Variants in SCHIP1 observed in about 807,000 individuals in gnomAD.
SCHIP1 encodes the protein schwannomin-interacting protein 1.
SCHIP1 carries 8 observed loss-of-function variants against 29.7 expected under a neutral mutation model. The ratio of observed to expected loss-of-function variants is 0.27; its 90% confidence interval spans 0.16 to 0.49. The LOEUF (loss-of-function observed/expected upper bound fraction) is 0.49. Ranked by LOEUF, SCHIP1 falls within the 20% of genes least tolerant of loss-of-function variation. The pLI is 0.99. For missense variants in SCHIP1, 193 were observed against 294.6 expected (o/e 0.66, Z 2.52); for synonymous variants, 76 against 94.9 (o/e 0.80, Z 1.16).
chr3:159,604,952 T>C, the SCHIP1 span, among the ~76,000 whole-genome samples: 1 of 152,192 alleles, frequency 6.6e-6, no homozygotes, highest in Non-Finnish European at 1.5e-5. Context: ...CAGCTACTAA[T>C]TGACCCAGGA....
the SCHIP1 span, among the ~76,000 whole-genome samples, chr3:159,696,665 T>C: frequency 1.3e-5 from 2 of 152,144 alleles, no homozygotes; most frequent in Non-Finnish European, 2.9e-5. Context: ...AGAAAGACAA[T>C]TGAGAAGTAA....
chr3:159,850,717 C>T (rs1211378157), intron 1 of SCHIP1, among the ~76,000 whole-genome samples: 1 of 151,936 alleles, frequency 6.6e-6, no homozygotes, highest in Non-Finnish European at 1.5e-5. Flanking sequence ...CTTCACGTGG[C>T]CAGAGCAGGA....
the SCHIP1 span, among the ~76,000 whole-genome samples, chr3:159,490,243 A>G: frequency 2.2e-4 from 33 of 152,300 alleles, no homozygotes; most frequent in African/African-American, 7.5e-4. Context: ...GTAACATTTC[A>G]TGTCCTCTCT....
chr3:159,732,409 G>A, the SCHIP1 span, among the ~76,000 whole-genome samples: 2 of 152,352 alleles, frequency 1.3e-5, 1 homozygote, highest in East Asian at 3.9e-4. Context: ...CCTTGCTGCT[G>A]TGCAGGTGAG....
the SCHIP1 span, chr3:159,764,914 C>T: frequency 6.6e-6 from 10 of 1,525,574 alleles, no homozygotes; most frequent in East Asian, 1.3e-4. The surrounding 1 kb of genome is among the most constrained non-coding windows in gnomAD (Gnocchi z 6.1). Context: ...CCGGGGCCCC[C>T]GCCGGGCGAT....
chr3:159,437,090 T>C, the SCHIP1 span, among the ~76,000 whole-genome samples: 5 of 152,150 alleles, frequency 3.3e-5, no homozygotes, highest in Non-Finnish European at 5.9e-5. Flanking sequence ...TAATTTATGA[T>C]ACTCTCCATT....
the SCHIP1 span, among the ~76,000 whole-genome samples, chr3:159,627,824 T>C: frequency 6.6e-6 from 1 of 152,218 alleles, no homozygotes; most frequent in Admixed American, 6.5e-5. Context: ...GTCAATATTG[T>C]GTGCTTTGCA....
chr3:159,513,844 T>C, the SCHIP1 span, among the ~76,000 whole-genome samples: 3 of 152,160 alleles, frequency 2.0e-5, no homozygotes, highest in East Asian at 5.8e-4. Flanking sequence ...CCTCCCTCTT[T>C]TCACATTTCA....
the SCHIP1 span, among the ~76,000 whole-genome samples, chr3:159,599,870 G>A: frequency 1.3e-5 from 2 of 152,162 alleles, no homozygotes; most frequent in East Asian, 3.9e-4. Flanking sequence ...CACTTCCAGT[G>A]TAGGACTCCT....
chr3:159,449,398 T>G, the SCHIP1 span, among the ~76,000 whole-genome samples: 1 of 152,188 alleles, frequency 6.6e-6, no homozygotes, highest in African/African-American at 2.4e-5. Context: ...CCTCCTTTTT[T>G]ATTAAAGCAC....
upstream of SCHIP1, among the ~76,000 whole-genome samples, chr3:159,837,672 G>T (rs1328503026): frequency 6.6e-6 from 1 of 151,064 alleles, no homozygotes; most frequent in Non-Finnish European, 1.5e-5. Flanking sequence ...GCAGTGAGCC[G>T]ATCACACCAC....
the SCHIP1 span, among the ~76,000 whole-genome samples, chr3:159,351,470 G>A: frequency 0.027 from 4,125 of 152,112 alleles, 76 homozygotes; most frequent in East Asian, 0.11. Context: ...AGGGGAAAAT[G>A]GTCAACATTG....
the SCHIP1 span, among the ~76,000 whole-genome samples, chr3:159,285,529 A>G: frequency 6.6e-6 from 1 of 152,088 alleles, no homozygotes; most frequent in Admixed American, 6.5e-5. Flanking sequence ...AGAACAAGCT[A>G]TTATTAAGTT....
At chr3:159,571,389 A>C in the SCHIP1 span, among the ~76,000 whole-genome samples, 13 of 152,152 alleles carry the variant, frequency 8.5e-5, no homozygotes, top group Non-Finnish European at 1.3e-4. Flanking sequence ...TGAGATAATC[A>C]TGTCGTTTTT....
the SCHIP1 span, among the ~76,000 whole-genome samples, chr3:159,809,481 C>A: frequency 6.6e-6 from 1 of 152,078 alleles, no homozygotes; most frequent in South Asian, 2.1e-4. Context: ...ATTTGTAATC[C>A]TTTGGGTATA....
At chr3:159,467,853 G>T in the SCHIP1 span, among the ~76,000 whole-genome samples, 1 of 152,082 alleles carries the variant, frequency 6.6e-6, no homozygotes, top group Non-Finnish European at 1.5e-5. Context: ...TAAATATCTT[G>T]TAGAGAGGAC....
chr3:159,579,538 A>T, the SCHIP1 span, among the ~76,000 whole-genome samples: 2 of 152,212 alleles, frequency 1.3e-5, no homozygotes, highest in African/African-American at 4.8e-5. Context: ...CAGCGAAATA[A>T]GACATGAACA....
the SCHIP1 span, among the ~76,000 whole-genome samples, chr3:159,786,071 A>G: frequency 6.6e-6 from 1 of 152,148 alleles, no homozygotes; most frequent in Admixed American, 6.5e-5. Flanking sequence ...TTTTTATTAC[A>G]TTTCTTTCTG....
chr3:159,420,149 C>T, the SCHIP1 span, among the ~76,000 whole-genome samples: 4 of 152,124 alleles, frequency 2.6e-5, no homozygotes, highest in Non-Finnish European at 5.9e-5. Flanking sequence ...GTAATTAACT[C>T]TGTGAAGCAG....
Sources: allele counts gnomAD v4.1 joint callset (sites outside exome capture counted in the v4.1 genomes callset), GRCh38; gene constraint gnomAD v4.1.1; non-coding constraint Gnocchi (gnomAD v3.1); transcripts MANE v1.5; gene names NCBI Gene and HGNC (gene_info 2026-07-23, HGNC 2026-07-21).